The following PELI1 variants were observed in gnomAD, a reference collection of about 807,000 sequenced individuals.
PELI1 encodes the protein E3 ubiquitin-protein ligase pellino homolog 1.
In PELI1, 15 loss-of-function variants were observed where a neutral mutation model predicts 41.3. The ratio of observed to expected loss-of-function variants is 0.36; its 90% confidence interval spans 0.24 to 0.56. The LOEUF is 0.56. Among genes scored for constraint, PELI1 ranks in the 20% least tolerant of loss-of-function variants. The probability of loss-of-function intolerance (pLI) is 0.82; values close to 1 mark genes in which losing one functional copy is unlikely to be tolerated. For synonymous variants in PELI1, 178 were observed against 180.1 expected, an observed-to-expected ratio of 0.99 and a Z score of 0.09; for missense variants, 403 against 525.5, an observed-to-expected ratio of 0.77 and a Z score of 2.28.
chr2:64,095,193 C>T lies in PELI1; in HGVS notation c.766G>A (p.Ala256Thr), dbSNP rs1360653197. 1.2e-6 allele frequency: 2 copies of T among 1,614,082 alleles called. No individual in the cohort carries two copies. Among genetic ancestry groups the T allele is most frequent in the South Asian group, 2.2e-5 (2 of 91,072 alleles). Residue 256 changes from alanine to threonine, a missense_variant, in exon 7 of 7, where the codon GCA becomes ACA. Transcript: ENST00000358912. ...LCGATLLWRT[A>T]EGLSHTPTVK... Reference sequence around the variant, plus strand: ...GTAGGAGTGTGGGAAAGGCCTTCTGCAGTACGCCATAACAATGTTGCACCA... The same window carrying T: ...GTAGGAGTGTGGGAAAGGCCTTCTGTAGTACGCCATAACAATGTTGCACCA...
chr2:64,143,762 C>T (rs370354118), intron 1 of PELI1, among the ~76,000 whole-genome samples: 58 of 152,210 alleles, frequency 3.8e-4, no homozygotes, highest in African/African-American at 1.2e-3. Flanking sequence ...CCCCGCCACC[C>T]GCAGAGCTCC....
chr2:64,128,138 G>A (rs188353873), intron 1 of PELI1, among the ~76,000 whole-genome samples: 7 of 152,250 alleles, frequency 4.6e-5, no homozygotes, highest in African/African-American at 1.2e-4. Context: ...ACAGGGGTAA[G>A]GAGCAGTGGT....
At chr2:64,098,139 A>T (rs1680305975) in intron 4 of PELI1, among the ~76,000 whole-genome samples, 1 of 152,188 alleles carries the variant, frequency 6.6e-6, no homozygotes, top group Non-Finnish European at 1.5e-5. Flanking sequence ...GACAATGAGA[A>T]GGAAGAAACT....
intron 1 of PELI1, among the ~76,000 whole-genome samples, chr2:64,138,246 G>T (rs747583407): frequency 1.3e-5 from 2 of 152,002 alleles, no homozygotes; most frequent in Non-Finnish European, 2.9e-5. Context: ...TCACACCCTT[G>T]TCTTCTTGTA....
intron 1 of PELI1, among the ~76,000 whole-genome samples, chr2:64,141,053 G>A (rs1032013086): frequency 2.0e-5 from 3 of 152,080 alleles, no homozygotes; most frequent in African/African-American, 4.8e-5. Context: ...TATATTCAGA[G>A]GGAATCTGGA....
intron 1 of PELI1, among the ~76,000 whole-genome samples, chr2:64,111,141 C>T (rs1680795306): frequency 6.6e-6 from 1 of 152,042 alleles, no homozygotes; most frequent in African/African-American, 2.4e-5. Context: ...ACTAGCTAGC[C>T]CATAAAAGTC....
At chr2:64,128,411 T>C (rs1487209357) in intron 1 of PELI1, among the ~76,000 whole-genome samples, 1 of 152,156 alleles carries the variant, frequency 6.6e-6, no homozygotes, top group African/African-American at 2.4e-5. Context: ...CATGATATAT[T>C]TTTCTCCTTT....
chr2:64,110,247 GAAAA>G (rs796716135), intron 1 of PELI1, among the ~76,000 whole-genome samples: 2 of 100,812 alleles, frequency 2.0e-5, no homozygotes, highest in South Asian at 3.2e-4. Flanking sequence ...TCCGTCTCAA[GAAAA>G]AAAAAAAAAA....
intron 4 of PELI1, among the ~76,000 whole-genome samples, chr2:64,098,173 A>C (rs532953137): frequency 6.6e-6 from 1 of 152,318 alleles, no homozygotes; most frequent in South Asian, 2.1e-4. Context: ...AGAGAAAAAA[A>C]CCACCATGAA....
chr2:64,137,321 G>C (rs184684239), intron 1 of PELI1, among the ~76,000 whole-genome samples: 15 of 152,286 alleles, frequency 9.8e-5, no homozygotes, highest in African/African-American at 2.4e-4. Flanking sequence ...ACATGTGTTA[G>C]TCTTTTAGTT....
intron 1 of PELI1, among the ~76,000 whole-genome samples, chr2:64,115,273 AG>A (rs895552656): frequency 1.3e-5 from 2 of 152,186 alleles, no homozygotes; most frequent in Non-Finnish European, 2.9e-5. Context: ...AAATCTTTGG[AG>A]GCTAGATAAG....
intron 1 of PELI1, among the ~76,000 whole-genome samples, chr2:64,115,057 G>T (rs1680945979): frequency 6.6e-6 from 1 of 152,150 alleles, no homozygotes; most frequent in Non-Finnish European, 1.5e-5. Context: ...TGTAGTTTCA[G>T]TATTTTACTA....
At chr2:64,131,257 T>C (rs1190293650) in intron 1 of PELI1, among the ~76,000 whole-genome samples, 1 of 152,024 alleles carries the variant, frequency 6.6e-6, no homozygotes, top group Non-Finnish European at 1.5e-5. Flanking sequence ...ATTTTAAATT[T>C]TGATATATTC....
At chr2:64,140,591 G>A (rs981040381) in intron 1 of PELI1, among the ~76,000 whole-genome samples, 4 of 151,726 alleles carry the variant, frequency 2.6e-5, no homozygotes, top group Non-Finnish European at 4.4e-5. Context: ...TTTATGTTTT[G>A]ATTACTTTTT....
intron 1 of PELI1, among the ~76,000 whole-genome samples, chr2:64,109,477 T>C (rs1680733363): frequency 3.3e-5 from 5 of 152,094 alleles, no homozygotes; most frequent in Admixed American, 3.3e-4. Context: ...GGTTGGGAGT[T>C]TGAGACCAGC....
intron 1 of PELI1, among the ~76,000 whole-genome samples, chr2:64,134,132 A>G (rs1681645311): frequency 6.6e-6 from 1 of 152,158 alleles, no homozygotes; most frequent in Non-Finnish European, 1.5e-5. Flanking sequence ...TCTGAAACTC[A>G]GCAAATCCTT....
At chr2:64,107,515 T>G (rs1179337936) in intron 2 of PELI1, among the ~76,000 whole-genome samples, 2 of 152,046 alleles carry the variant, frequency 1.3e-5, no homozygotes, top group South Asian at 2.1e-4. Context: ...AAGCAATAAC[T>G]ACTGTAGAGA....
At chr2:64,118,988 T>C (rs899017593) in intron 1 of PELI1, among the ~76,000 whole-genome samples, 1 of 128,750 alleles carries the variant, frequency 7.8e-6, no homozygotes, top group African/African-American at 3.1e-5. Context: ...TTGTTTTTTT[T>C]TTTAAAGCCC....
chr2:64,110,411 G>A (rs887340776), intron 1 of PELI1, among the ~76,000 whole-genome samples: 5 of 152,014 alleles, frequency 3.3e-5, no homozygotes, highest in African/African-American at 1.2e-4. Context: ...AAAATGGAAG[G>A]GAAGTCAAGA....
Sources: gnomAD v4.1 joint callset for allele counts (sites outside exome capture counted in the v4.1 genomes callset) on GRCh38, gnomAD v4.1.1 for gene constraint, MANE v1.5 for transcripts, NCBI Gene and HGNC (gene_info 2026-07-23, HGNC 2026-07-21) for gene names.